Variants in XYLT1 observed in about 807,000 individuals in gnomAD.
XYLT1 encodes the protein xylosyltransferase 1, also known as beta-D-xylosyltransferase 1.
Under a neutral mutation model 91.3 loss-of-function variants are expected in XYLT1, and 36 were observed. The ratio of observed to expected loss-of-function variants is 0.39; its 90% CI spans 0.30 to 0.52. The LOEUF is 0.52. Among genes scored for constraint, XYLT1 ranks in the 20% least tolerant of loss-of-function variants. The pLI is 0.68. For synonymous variants in XYLT1, 588 were observed against 532.0 expected, an observed-to-expected ratio of 1.11 and a Z score of -1.45; for missense variants, 1,242 against 1,284.5, an observed-to-expected ratio of 0.97 and a Z score of 0.51.
intron 6 of XYLT1, among the ~76,000 whole-genome samples, chr16:17,154,523 G>C (rs1387919089): frequency 6.6e-6 from 1 of 152,214 alleles, no homozygotes; most frequent in African/African-American, 2.4e-5. Flanking sequence ...GGACTTGTAG[G>C]GATGTTTCCA....
chr16:17,166,279 G>A (rs1286375794), intron 5 of XYLT1, among the ~76,000 whole-genome samples: 1 of 152,242 alleles, frequency 6.6e-6, no homozygotes, highest in Non-Finnish European at 1.5e-5. Flanking sequence ...TCTGGACTAT[G>A]GGGCAGCACC....
intron 1 of XYLT1, among the ~76,000 whole-genome samples, chr16:17,457,118 T>G (rs185883664): frequency 1.0e-3 from 154 of 152,324 alleles, no homozygotes; most frequent in Admixed American, 1.7e-3. Context: ...AATTTCGAAT[T>G]TCTTAATAGG....
At chr16:17,128,016 C>T (rs2030324330) in intron 9 of XYLT1, among the ~76,000 whole-genome samples, 155 bp from the exon 10 acceptor site, 1 of 152,200 alleles carries the variant, frequency 6.6e-6, no homozygotes. Flanking sequence ...ATCTCAATGA[C>T]TATGAATACT....
intron 5 of XYLT1, among the ~76,000 whole-genome samples, chr16:17,176,994 C>T (rs970129092): frequency 2.0e-5 from 3 of 152,152 alleles, no homozygotes; most frequent in Non-Finnish European, 4.4e-5. Flanking sequence ...AGGTCCCACA[C>T]GGTCTGGCCC....
chr16:17,442,274 T>A (rs1385003931), intron 1 of XYLT1, among the ~76,000 whole-genome samples: 2 of 152,162 alleles, frequency 1.3e-5, no homozygotes. Flanking sequence ...CTCATATACA[T>A]CCCATTGGTT....
chr16:17,317,194 C>T (rs1596478893), intron 2 of XYLT1, among the ~76,000 whole-genome samples: 2 of 152,074 alleles, frequency 1.3e-5, no homozygotes, highest in Non-Finnish European at 2.9e-5. Flanking sequence ...TAGGTGTTTG[C>T]CTCCTGCCAT....
chr16:17,154,982 A>G (rs2031370506), intron 6 of XYLT1, among the ~76,000 whole-genome samples: 1 of 152,212 alleles, frequency 6.6e-6, no homozygotes, highest in African/African-American at 2.4e-5. Context: ...GCTGGTCTGG[A>G]CACATGAAAT....
intron 1 of XYLT1, among the ~76,000 whole-genome samples, chr16:17,402,309 T>A (rs1240597548): frequency 1.3e-5 from 2 of 150,180 alleles, no homozygotes; most frequent in Non-Finnish European, 3.0e-5. Flanking sequence ...AACGGAGACC[T>A]TGTCTCAAAA....
chr16:17,219,399 C>T (rs866283161), intron 3 of XYLT1, among the ~76,000 whole-genome samples: 2 of 151,878 alleles, frequency 1.3e-5, no homozygotes, highest in Non-Finnish European at 2.9e-5. Flanking sequence ...ATAGGCGAAT[C>T]TCTAAATAAA....
rs761748004 is a variant in XYLT1, at chr16:17,380,266, C to T, written c.364-22216G>A. 6.6e-5 allele frequency among the ~76,000 whole-genome samples: 10 copies of T among 152,016 alleles called. No homozygotes were observed. In the Middle Eastern group the frequency reaches 0.014, roughly 207 times the overall value. The stretch of plus-strand genomic sequence containing the variant: ...TCATGCCACTGAACTCCAGCCTGGG[C>T]GACAGACCCAGAATCTGTCTCTAAA... On this transcript the variant is annotated intron_variant, in intron 1 of 11. Transcript: ENST00000261381.
intron 6 of XYLT1, among the ~76,000 whole-genome samples, chr16:17,144,595 C>A (rs556517661): frequency 1.4e-4 from 22 of 152,240 alleles, no homozygotes; most frequent in African/African-American, 4.1e-4. Context: ...ACAGACTCAT[C>A]AGAGATCTGG....
chr16:17,228,029 G>A (rs2033096972), intron 3 of XYLT1: 1 of 152,256 alleles, frequency 6.6e-6, no homozygotes, highest in South Asian at 2.1e-4. Flanking sequence ...TTAGCTCGTG[G>A]AACCCCAAGG....
intron 5 of XYLT1, among the ~76,000 whole-genome samples, chr16:17,182,347 C>T (rs537510934): frequency 2.6e-5 from 4 of 152,296 alleles, no homozygotes; most frequent in East Asian, 3.9e-4. Flanking sequence ...CAGAAGGCCA[C>T]CTTCTTGCTC....
At chr16:17,415,161 T>C (rs2036164813) in intron 1 of XYLT1, among the ~76,000 whole-genome samples, 2 of 152,114 alleles carry the variant, frequency 1.3e-5, no homozygotes, top group South Asian at 4.2e-4. Context: ...AAAGCTGGAA[T>C]TGGTGCGTGC....
chr16:17,412,189 C>T (rs1023484242), intron 1 of XYLT1, among the ~76,000 whole-genome samples: 17 of 152,106 alleles, frequency 1.1e-4, no homozygotes, highest in African/African-American at 4.1e-4. Context: ...CCGCACAGCT[C>T]CTGGGGTTGA....
At chr16:17,439,400 C>T (rs1358001015) in intron 1 of XYLT1, among the ~76,000 whole-genome samples, 6 of 152,324 alleles carry the variant, frequency 3.9e-5, no homozygotes, top group African/African-American at 1.4e-4. Flanking sequence ...GAAACAGTCA[C>T]TTCTTGTTGG....
intron 5 of XYLT1, chr16:17,193,676 G>A (rs749869539): frequency 1.3e-5 from 2 of 152,204 alleles, no homozygotes; most frequent in African/African-American, 4.8e-5. Flanking sequence ...CCGCCCCTTT[G>A]AGAAGACTCC....
At chr16:17,158,367 T>C (rs116544046) in intron 6 of XYLT1, among the ~76,000 whole-genome samples, 5 of 152,144 alleles carry the variant, frequency 3.3e-5, no homozygotes, top group Non-Finnish European at 5.9e-5. Context: ...CCACTACAGG[T>C]CAATTCCCTG....
intron 1 of XYLT1, among the ~76,000 whole-genome samples, chr16:17,452,737 TGG>T (rs1818259348): frequency 6.6e-6 from 1 of 152,200 alleles, no homozygotes; most frequent in African/African-American, 2.4e-5. Context: ...GAAGGAAGCC[TGG>T]AAGTTTTCTA....
Sources: gnomAD v4.1 joint callset for allele counts (sites outside exome capture counted in the v4.1 genomes callset) on GRCh38, gnomAD v4.1.1 for gene constraint, MANE v1.5 for transcripts, NCBI Gene and HGNC (gene_info 2026-07-23, HGNC 2026-07-21) for gene names.